SYNE1: variants seen among roughly 807,000 people sequenced by gnomAD.
The protein encoded by SYNE1 is spectrin repeat containing nuclear envelope protein 1.
In SYNE1, 616 loss-of-function variants were observed where a neutral mutation model predicts 1,111.0. The ratio of observed to expected loss-of-function variants is 0.55; its 90% CI spans 0.52 to 0.59. The LOEUF (loss-of-function observed/expected upper bound fraction) is 0.59, where lower values mean the gene tolerates loss of function less well. SYNE1 is among the 20% of genes least tolerant of loss of function. SYNE1 has a pLI of 0.00. For missense variants in SYNE1, 10,006 were observed against 10,417.0 expected (o/e 0.96, Z 1.72); for synonymous variants, 3,855 against 3,825.8 (o/e 1.01, Z -0.28).
At chr6:152,616,942 T>C (rs1387808399) in intron 3 of SYNE1, among the ~76,000 whole-genome samples, 1 of 152,166 alleles carries the variant, frequency 6.6e-6, no homozygotes, top group Non-Finnish European at 1.5e-5. Context: ...TGCTGGATCC[T>C]GAAAATAAGG....
At position 152,436,033 on chromosome 6, in the gene SYNE1, T is replaced by C. The variant is rs368727420; in HGVS notation, c.4218A>G (p.Ile1406Met). 3 of 1,614,036 alleles carry C rather than the reference T, an allele frequency of 1.9e-6. No individual in the cohort carries two copies. The highest frequency in any genetic ancestry group is 2.7e-5 in the African/African-American group (2 of 74,902). ...GCTGCTTATTTTGGGGCCCAAGCGG[T>C]ATCTCTGAAGCTTCCTTTACAAGGT... Reference protein sequence around the residue: ...AENLVKEASEIPLGPQNKQLL... With the variant: ...AENLVKEASEMPLGPQNKQLL... Residue 1406 changes from isoleucine (I) to methionine (M), a missense_variant, in exon 33 of 146, where the codon ATA becomes ATG. Ile to Met is a conservative substitution (Grantham distance 10, BLOSUM62 1). Transcript: ENST00000367255.
At chr6:152,353,526 AG>A (rs761676011) in intron 68 of SYNE1, 62 bp downstream of exon 68, 1 of 1,613,720 alleles carries the variant, frequency 6.2e-7, no homozygotes, top group Non-Finnish European at 8.5e-7. Context: ...TGTTAGTGAA[AG>A]GAAGGCTATT....
chr6:152,151,436 A>G, intron 135 of SYNE1, 117 bp downstream of exon 135: 2 of 1,284,514 alleles, frequency 1.6e-6, no homozygotes, highest in Non-Finnish European at 2.1e-6. Flanking sequence ...ATTTTTTTGC[A>G]GTCCAGAACT....
intron 87 of SYNE1, among the ~76,000 whole-genome samples, chr6:152,313,649 G>T (rs979038012): frequency 6.6e-6 from 1 of 151,918 alleles, no homozygotes; most frequent in Non-Finnish European, 1.5e-5. Context: ...TTTTAGTAGA[G>T]AATGGGGTTT....
At chr6:152,232,037 C>T (rs1166589151) in intron 113 of SYNE1, 79 bp downstream of exon 113, 3 of 1,102,322 alleles carry the variant, frequency 2.7e-6, no homozygotes, top group Admixed American at 1.8e-5. Flanking sequence ...GACTTGATTA[C>T]CATAATTTGA....
At position 152,236,880 on chromosome 6, in the gene SYNE1, G is replaced by C. The variant is rs761906590; in HGVS notation, c.20136C>G (p.Ile6712Met). ...TCTCCTCCACCAGACCCACGCTTGGGATGCTGCTTTCCACCACCTCCAGCT... is the reference window on the plus strand; with the variant it reads ...TCTCCTCCACCAGACCCACGCTTGGCATGCTGCTTTCCACCACCTCCAGCT... ...SRQLEVVESS[I>M]PSVGLVEENE... The change falls in exon 109 of 146, where the codon ATC becomes ATG. Residue 6712 changes from isoleucine to methionine, a missense_variant. Around this residue, in one of 7 missense-constraint regions of SYNE1, gnomAD observed 2,182 missense variants for 2,287.8 expected, o/e 0.95. Coordinates refer to ENST00000367255, the MANE Select transcript of SYNE1 (RefSeq NM_182961.4). 2 of 1,614,156 alleles carry C rather than the reference G, an allele frequency of 1.2e-6. No individual in the cohort carries two copies. Among genetic ancestry groups the C allele is most frequent in the Admixed American group, 3.3e-5 (2 of 60,002 alleles).
intron 9 of SYNE1, among the ~76,000 whole-genome samples, chr6:152,504,939 C>G (rs1329120152): frequency 6.6e-6 from 1 of 152,158 alleles, no homozygotes; most frequent in Non-Finnish European, 1.5e-5. Flanking sequence ...TCATTCCACC[C>G]TTAAGTATAT....
rs977540632 is a variant in SYNE1 at position 152,427,823 on chromosome 6, G to A, written c.4977-7C>T. ...TGATAGTTCTTTCTCTAGCCTAAAG[G>A]AAGCAGAGAGCAGAAACAAATTTAT... On this transcript the variant is annotated splice_region_variant and splice_polypyrimidine_tract_variant and intron_variant, in intron 37 of 145. Transcript: ENST00000367255. 1.9e-6 allele frequency: 3 copies of A among 1,613,824 alleles called. 1 individual carries two copies. Among genetic ancestry groups the A allele is most frequent in the East Asian group, 2.2e-5 (1 of 44,870 alleles).
rs750336687 is a variant in SYNE1 at position 152,256,757 on chromosome 6, G to A, written c.18981C>T (p.Ser6327=). The change falls in exon 102 of 146, where the codon AGC becomes AGT. Residue 6327 remains serine, a synonymous_variant. Transcript: ENST00000367255. ...CACCAGACAAGAGTCGATTTGGCCT[G>A]CTATAAAGCTGTAGGCAAACAAAGG... ...LEQEQEQVLY[S]RPNRLLSGVP... 6.8e-6 allele frequency: 11 copies of A among 1,613,454 alleles called. No individual in the cohort carries two copies. In the East Asian group the frequency reaches 2.0e-4, roughly 29 times the overall value.
At chr6:152,553,306 T>C (rs572613727) in intron 3 of SYNE1, among the ~76,000 whole-genome samples, 1 of 152,290 alleles carries the variant, frequency 6.6e-6, no homozygotes. Flanking sequence ...CCAGAATAAC[T>C]TTACATATCA....
chr6:152,376,445 G>A lies in SYNE1; in HGVS notation c.9260C>T (p.Thr3087Ile). Residue 3087 changes from threonine to isoleucine, a missense_variant, in exon 58 of 146, where the codon ACC becomes ATC. Thr to Ile is a moderately conservative substitution (Grantham distance 89, BLOSUM62 -1). Coordinates refer to ENST00000367255, the MANE Select transcript of SYNE1 (RefSeq NM_182961.4). ...TTGAGGTATATCAAAACACTTGGCG[G>A]TAGTGATTTTTGCATTAACCAACCA... ...QQWLVNAKIT[T>I]AKCFDIPQNI... The A allele has an allele frequency of 6.2e-7, 1 of 1,614,202 alleles. No homozygotes were observed. Among genetic ancestry groups the A allele is most frequent in the Non-Finnish European group, 8.5e-7 (1 of 1,180,036 alleles).
At chr6:152,583,395 T>C (rs1239096422) in intron 3 of SYNE1, among the ~76,000 whole-genome samples, 1 of 152,192 alleles carries the variant, frequency 6.6e-6, no homozygotes, top group Non-Finnish European at 1.5e-5. Context: ...TTGGGCATCA[T>C]TACCTCACTG....
intron 3 of SYNE1, among the ~76,000 whole-genome samples, chr6:152,547,413 A>G (rs1273393957): frequency 6.6e-6 from 1 of 152,208 alleles, no homozygotes; most frequent in African/African-American, 2.4e-5. Flanking sequence ...CATATTTTGT[A>G]CATTATATAT....
At chr6:152,511,235 T>A in intron 6 of SYNE1, 132 bp from the exon 7 acceptor site, 1 of 796,666 alleles carries the variant, frequency 1.3e-6, no homozygotes, top group Non-Finnish European at 2.1e-6. Context: ...TGGGAGTAAG[T>A]AGAGTGAGGC....
At chr6:152,351,674 C>T (rs1443026642) in intron 70 of SYNE1, among the ~76,000 whole-genome samples, 1 of 152,094 alleles carries the variant, frequency 6.6e-6, no homozygotes, top group Non-Finnish European at 1.5e-5. Flanking sequence ...GAAGGGAAGC[C>T]TCAATATGGG....
chr6:152,482,850 GA>G (rs1372237482), intron 14 of SYNE1, among the ~76,000 whole-genome samples: 2 of 152,098 alleles, frequency 1.3e-5, no homozygotes, highest in South Asian at 2.1e-4. Flanking sequence ...AGCTGCAGAT[GA>G]AAAAAATACC....
At chr6:152,445,033 T>A (rs1286087406) in intron 29 of SYNE1, among the ~76,000 whole-genome samples, 1 of 152,128 alleles carries the variant, frequency 6.6e-6, no homozygotes, top group Non-Finnish European at 1.5e-5. Context: ...TTAAATTTCA[T>A]AATCATTTAT....
intron 21 of SYNE1, 44 bp downstream of exon 21, chr6:152,461,553 T>C: frequency 6.2e-7 from 1 of 1,613,504 alleles, no homozygotes; most frequent in Non-Finnish European, 8.5e-7. Context: ...CTGAAGGCAC[T>C]GTTGGTGTCA....
At chr6:152,487,899 C>A (rs1187533061) in intron 12 of SYNE1, among the ~76,000 whole-genome samples, 3 of 151,948 alleles carry the variant, frequency 2.0e-5, no homozygotes, top group African/African-American at 2.4e-5. Context: ...CATGGTGAAA[C>A]CCCATCTCTA....
Sources: gnomAD v4.1 joint callset for allele counts (sites outside exome capture counted in the v4.1 genomes callset) on GRCh38, gnomAD v4.1.1 for gene constraint, gnomAD v4.1.1 regional missense constraint, MANE v1.5 for transcripts, NCBI Gene and HGNC (gene_info 2026-07-23, HGNC 2026-07-21) for gene names.